The following RIMS2 variants were observed in gnomAD, a reference collection of about 807,000 sequenced individuals.
RIMS2 encodes regulating synaptic membrane exocytosis protein 2.
Under a neutral mutation model 174.4 loss-of-function variants are expected in RIMS2, and 59 were observed. That is an observed-to-expected ratio of 0.34 (90% CI 0.27 to 0.42). The LOEUF (loss-of-function observed/expected upper bound fraction) is 0.42. Ranked by LOEUF, RIMS2 falls within the 10% of genes least tolerant of loss-of-function variation. The pLI is 1.00. For synonymous variants in RIMS2, 606 were observed against 572.5 expected (o/e 1.06, Z -0.84); for missense variants, 1,620 against 1,666.3 (o/e 0.97, Z 0.48).
intron 19 of RIMS2, among the ~76,000 whole-genome samples, chr8:104,136,150 C>T (rs963193957): frequency 1.3e-5 from 2 of 152,108 alleles, no homozygotes; most frequent in Non-Finnish European, 2.9e-5. Context: ...ACACTTTTGC[C>T]GTAAGTGTGT....
intron 19 of RIMS2, among the ~76,000 whole-genome samples, chr8:104,043,843 A>G (rs13277381): frequency 6.6e-6 from 1 of 151,418 alleles, no homozygotes; most frequent in East Asian, 1.9e-4. Context: ...TATACAGACA[A>G]TGAAATTATT....
chr8:103,668,113 G>A (rs2096697099), intron 1 of RIMS2, among the ~76,000 whole-genome samples: 1 of 152,154 alleles, frequency 6.6e-6, no homozygotes, highest in South Asian at 2.1e-4. Flanking sequence ...AGATACATGA[G>A]GTTCTATTAT....
chr8:103,711,588 C>T (rs1176675), intron 2 of RIMS2, among the ~76,000 whole-genome samples: 123,471 of 152,084 alleles, frequency 0.81, 50,615 homozygotes, highest in African/African-American at 0.92. Flanking sequence ...AAATATGCAG[C>T]TCCAAGATTT....
At chr8:103,754,730 T>C (rs1302310321) in intron 2 of RIMS2, among the ~76,000 whole-genome samples, 1 of 152,212 alleles carries the variant, frequency 6.6e-6, no homozygotes, top group African/African-American at 2.4e-5. Flanking sequence ...AAGTCTGTTT[T>C]ATCAGAGACT....
At chr8:103,560,597 A>T (rs1355778750) in intron 1 of RIMS2, among the ~76,000 whole-genome samples, 1 of 152,190 alleles carries the variant, frequency 6.6e-6, no homozygotes, top group Non-Finnish European at 1.5e-5. Context: ...AAGGATGGAA[A>T]GGTAGCTCAT....
intron 19 of RIMS2, among the ~76,000 whole-genome samples, chr8:104,024,045 G>T (rs1205818372): frequency 6.6e-6 from 1 of 152,104 alleles, no homozygotes; most frequent in Admixed American, 6.5e-5. Context: ...TGATTAGAGG[G>T]GATTCAAGGA....
Position 103,928,828 on chromosome 8 carries a change from G to A in RIMS2, c.2244+939G>A, listed in dbSNP as rs142979807. Among the ~76,000 whole-genome samples, 511 of 151,510 alleles carry A rather than the reference G, an allele frequency of 3.4e-3. 2 individuals are homozygous for A. The highest frequency in any genetic ancestry group is 0.011 in the African/African-American group (474 of 41,476). ...TTATTAATGAAATTGGGGCTGAACA[G>A]GAACTATGTCAGGACCAGAATTGTG... On this transcript the variant is annotated intron_variant, in intron 11 of 23. Coordinates refer to ENST00000504942, the Ensembl canonical transcript of RIMS2.
rs546925216 is a variant in RIMS2, at chr8:104,179,632, G to A, written c.3335-65284G>A. ...TACTGAAGTTAAGTGGCTCAGCTAG[G>A]AAAATGTAGTAAAATAACAGCAAAT... On this transcript the variant is annotated intron_variant, in intron 19 of 23. Coordinates refer to ENST00000504942, the Ensembl canonical transcript of RIMS2. Among the ~76,000 whole-genome samples the A allele has an allele frequency of 3.3e-5, 5 of 151,710 alleles. No homozygotes were observed. In the South Asian group the frequency reaches 1.0e-3, roughly 31 times the overall value.
At chr8:104,196,901 T>G (rs1308755632) in intron 19 of RIMS2, among the ~76,000 whole-genome samples, 2 of 152,204 alleles carry the variant, frequency 1.3e-5, no homozygotes, top group East Asian at 1.9e-4. Flanking sequence ...TATAAACTTC[T>G]ATCCCACTTA....
chr8:103,548,872 A>T (rs1283244757), intron 1 of RIMS2, among the ~76,000 whole-genome samples: 1 of 152,194 alleles, frequency 6.6e-6, no homozygotes, highest in Non-Finnish European at 1.5e-5. Flanking sequence ...TTATACATCA[A>T]TGATGACCAA....
chr8:104,077,432 A>T (rs998521097), intron 19 of RIMS2, among the ~76,000 whole-genome samples: 5 of 151,824 alleles, frequency 3.3e-5, no homozygotes, highest in Admixed American at 2.6e-4. Flanking sequence ...GAAAAATTTA[A>T]AAAAATGATA....
chr8:103,934,739 C>G lies in RIMS2; in HGVS notation c.2376-1812C>G, dbSNP rs538558639. ...TGAGACAGAGTTTCACTCTTTTTGC[C>G]CAGGCTGGAGTGCAATGGCACGATC... is the stretch of plus-strand genomic sequence containing the variant. On this transcript the variant is annotated intron_variant, in intron 12 of 23. Coordinates refer to ENST00000504942, the Ensembl canonical transcript of RIMS2. 1.7e-3 allele frequency among the ~76,000 whole-genome samples: 250 copies of G among 150,926 alleles called. 1 individual carries two copies. Among genetic ancestry groups the G allele is most frequent in the Non-Finnish European group, 2.8e-3 (191 of 67,836 alleles).
chr8:104,060,799 C>G (rs150149764), intron 19 of RIMS2, among the ~76,000 whole-genome samples: 3,591 of 152,174 alleles, frequency 0.024, 145 homozygotes, highest in African/African-American at 0.081. Context: ...CAAAGAACAT[C>G]TTTATTTCTG....
chr8:103,789,225 C>T (rs935631866), intron 3 of RIMS2, among the ~76,000 whole-genome samples: 4 of 152,032 alleles, frequency 2.6e-5, no homozygotes, highest in Non-Finnish European at 5.9e-5. Flanking sequence ...CAGAAATCAC[C>T]GTCTTTTGTG....
chr8:103,849,909 G>A (rs1320696521), intron 3 of RIMS2, among the ~76,000 whole-genome samples: 1 of 151,964 alleles, frequency 6.6e-6, no homozygotes, highest in Non-Finnish European at 1.5e-5. Context: ...GTCTAAAGAG[G>A]GAGGTGGATA....
intron 1 of RIMS2, among the ~76,000 whole-genome samples, chr8:103,623,700 A>C: frequency 6.6e-6 from 1 of 151,602 alleles, no homozygotes; most frequent in Non-Finnish European, 1.5e-5. Flanking sequence ...CGTGTTAGCC[A>C]GGATGGTCTC....
intron 3 of RIMS2, among the ~76,000 whole-genome samples, chr8:103,789,092 C>T (rs1261752922): frequency 3.3e-5 from 5 of 152,202 alleles, no homozygotes; most frequent in South Asian, 2.1e-4. Flanking sequence ...TGACCCATTG[C>T]GCTTCCCAAG....
At chr8:104,185,429 C>A (rs2098962797) in intron 19 of RIMS2, among the ~76,000 whole-genome samples, 1 of 151,458 alleles carries the variant, frequency 6.6e-6, no homozygotes, top group Non-Finnish European at 1.5e-5. Context: ...CTAGGTTTGC[C>A]TGGATCAATG....
chr8:104,165,971 G>A (rs971459824), intron 19 of RIMS2, among the ~76,000 whole-genome samples: 2 of 151,562 alleles, frequency 1.3e-5, no homozygotes, highest in African/African-American at 4.8e-5. Flanking sequence ...AATTCTATTA[G>A]GGAAGAGATG....
Sources: gnomAD v4.1 joint callset for allele counts (sites outside exome capture counted in the v4.1 genomes callset) on GRCh38, gnomAD v4.1.1 for gene constraint, MANE v1.5 for transcripts, NCBI Gene and HGNC (gene_info 2026-07-23, HGNC 2026-07-21) for gene names.